The following ERCC5 variants were observed in gnomAD, a reference collection of about 807,000 sequenced individuals.
The protein encoded by ERCC5 is DNA excision repair protein ERCC-5.
In ERCC5, 68 loss-of-function variants were observed where a neutral mutation model predicts 105.6. The ratio of observed to expected loss-of-function variants is 0.64; its 90% CI spans 0.53 to 0.79. The LOEUF (loss-of-function observed/expected upper bound fraction) is 0.79, where lower values mean the gene tolerates loss of function less well. Among genes scored for constraint, ERCC5 ranks in the 30% least tolerant of loss-of-function variants. The probability of loss-of-function intolerance (pLI) is 0.00; values close to 1 mark genes in which losing one functional copy is unlikely to be tolerated. For missense variants in ERCC5, 1,373 were observed against 1,426.7 expected (o/e 0.96, Z 0.61); for synonymous variants, 546 against 526.2 (o/e 1.04, Z -0.51).
Position 102,875,593 on chromosome 13 carries a change from G to C in ERCC5, c.3251G>C (p.Cys1084Ser), listed in dbSNP as rs746017131. 1 of 1,613,634 alleles carries C rather than the reference G, an allele frequency of 6.2e-7. No homozygotes were observed. Among genetic ancestry groups the C allele is most frequent in the Admixed American group, 1.7e-5 (1 of 59,944 alleles). Residue 1084 changes from cysteine (C) to serine (S), a missense_variant, in exon 15 of 15, where the codon TGC (cysteine) becomes TCC (serine). Cys to Ser is a moderately radical substitution (Grantham distance 112). Coordinates refer to ENST00000652225, the MANE Select transcript of ERCC5 (RefSeq NM_000123.4). ...RLSDSKGKNT[C>S]GGFLGETCLS... ...TCAGATTCTAAAGGAAAGAATACAT[G>C]CGGTGGATTTTTGGGGGAGACCTGC...
chr13:102,872,536 C>A, intron 13 of ERCC5, 138 bp downstream of exon 13: 1 of 1,061,322 alleles, frequency 9.4e-7, no homozygotes, highest in Non-Finnish European at 1.4e-6. Context: ...CTCTCCTTTT[C>A]ACTCTTTCTT....
intron 3 of ERCC5, 30 bp downstream of exon 3, chr13:102,853,902 A>G (rs1882298758): frequency 6.2e-7 from 1 of 1,603,398 alleles, no homozygotes; most frequent in Non-Finnish European, 8.5e-7. Flanking sequence ...CGTGTTAGAG[A>G]TGAAGTTTTA....
rs761938044 is a variant in ERCC5 at position 102,862,165 on chromosome 13, C to A, written c.1016C>A (p.Pro339His). 6.2e-7 allele frequency: 1 copy of A among 1,614,210 alleles called. No homozygotes were observed. The highest frequency in any genetic ancestry group is 1.3e-5 in the African/African-American group (1 of 75,062). Residue 339 changes from proline (P) to histidine (H), a missense_variant, in exon 8 of 15, where the codon CCT becomes CAT. Transcript: ENST00000652225. ...ACAGAGAAAGAGCCTGATGCTACCC[C>A]TCCTTCTCCAAGAACTTTACTAGCT... The part of the protein sequence containing the change: ...LKTEKEPDAT[P>H]PSPRTLLAMQ...
At chr13:102,855,400 C>A (rs911950097) in intron 4 of ERCC5, among the ~76,000 whole-genome samples, 1 of 152,054 alleles carries the variant, frequency 6.6e-6, no homozygotes, top group African/African-American at 2.4e-5. Context: ...CAGGCACGTG[C>A]CACCACACCT....
Position 102,875,823 on chromosome 13 carries a change from GT to G in ERCC5, c.3482del (p.Val1161AlafsTer3). ...TGACGATGGAGGGAAAGAGAAGATG[GT>G]CCTCGTGACCGCCAGATCTGTGTTT... is the stretch of plus-strand genomic sequence containing the variant. Reference protein sequence around the residue: ...SDDDGGKEKMVLVTARSVFGK... With the variant: ...SDDDGGKEKMXLVTARSVFGK... On this transcript the variant is annotated frameshift_variant, in exon 15 of 15. Transcript: ENST00000652225. LOFTEE classifies it low-confidence loss of function (END_TRUNC). 6.2e-7 allele frequency: 1 copy of G among 1,613,588 alleles called. No homozygotes were observed. The highest frequency in any genetic ancestry group is 1.3e-5 in the African/African-American group (1 of 74,990).
intron 5 of ERCC5, among the ~76,000 whole-genome samples, chr13:102,857,489 C>T (rs1882468384): frequency 1.3e-5 from 2 of 152,066 alleles, no homozygotes; most frequent in East Asian, 1.9e-4. Flanking sequence ...CTGGTTGGTA[C>T]GTACACATGT....
In ERCC5 at chr13:102,866,311, T is replaced by G. The variant is rs1285102969; in HGVS notation, c.2249T>G (p.Leu750Arg). The change falls in exon 10 of 15, where the codon CTG becomes CGG. Residue 750 changes from leucine to arginine, a missense_variant. Leu to Arg is a moderately radical substitution (Grantham distance 102). Coordinates refer to ENST00000652225, the MANE Select transcript of ERCC5 (RefSeq NM_000123.4). Reference protein sequence around the residue: ...ESNLLAQQNSLKAQKQQQERI... With the variant: ...ESNLLAQQNSRKAQKQQQERI... ...AACCTCTTAGCACAGCAGAATTCACTGAAAGCTCAAAAACAGCAGCAAGAA... is the reference window on the plus strand; with the variant it reads ...AACCTCTTAGCACAGCAGAATTCACGGAAAGCTCAAAAACAGCAGCAAGAA... 6.2e-7 allele frequency: 1 copy of G among 1,614,214 alleles called. No individual in the cohort carries two copies. Among genetic ancestry groups the G allele is most frequent in the Non-Finnish European group, 8.5e-7 (1 of 1,180,028 alleles).
At chr13:102,853,340 C>G (rs1882276312) in intron 2 of ERCC5, among the ~76,000 whole-genome samples, 1 of 152,102 alleles carries the variant, frequency 6.6e-6, no homozygotes, top group South Asian at 2.1e-4. Flanking sequence ...GATATATAAT[C>G]TTGAATATTG....
At position 102,858,442 on chromosome 13, in the gene ERCC5, A is replaced by G. The variant is rs750319168; in HGVS notation, c.672+24A>G. 1.9e-6 allele frequency: 3 copies of G among 1,614,058 alleles called. No individual in the cohort carries two copies. The East Asian group carries it at 6.7e-5, about 36-fold the overall frequency. On this transcript the variant is annotated intron_variant, in intron 6 of 14. Transcript: ENST00000652225. ...AGGTGAAATATGCAACAGTACATTC[A>G]TGCTTAGAATTAAGAACTTCAGCAA... is the stretch of plus-strand genomic sequence containing the variant.
At chr13:102,875,206 G>A (rs1883170194) in intron 14 of ERCC5, 101 bp from the exon 15 acceptor site, 1 of 1,297,988 alleles carries the variant, frequency 7.7e-7, no homozygotes, top group African/African-American at 1.5e-5. Context: ...CTCTGACATA[G>A]TAATCCAATG....
rs2140539119 is a variant in ERCC5, at chr13:102,872,469, A to G, written c.2879+71A>G. ...GTGTTTGGTTTAAAACTTATGGAAG[A>G]GAAACTTGGATCATTTTTTTCTTAT... On this transcript the variant is annotated intron_variant, in intron 13 of 14. Transcript: ENST00000652225. 9.6e-6 allele frequency: 15 copies of G among 1,566,766 alleles called. No individual in the cohort carries two copies. The South Asian group carries it at 1.5e-4, about 16-fold the overall frequency.
Position 102,873,332 on chromosome 13 carries a change from G to T in ERCC5, c.2953G>T (p.Asp985Tyr), listed in dbSNP as rs748797643. ...TCTGTTTCCTGTATTAAAGCAACTC[G>T]ATGCCCAGCAGGTAATCATGGTGGA... is the stretch of plus-strand genomic sequence containing the variant. ...ESLFPVLKQL[D>Y]AQQTQLRIDS... The change falls in exon 14 of 15, where the codon GAT becomes TAT. Residue 985 changes from aspartate to tyrosine, a missense_variant. By Grantham distance (160) the Asp-to-Tyr change is radical. Transcript: ENST00000652225. 1.2e-6 allele frequency: 2 copies of T among 1,614,086 alleles called. No individual in the cohort carries two copies. The highest frequency in any genetic ancestry group is 2.2e-5 in the East Asian group (1 of 44,858).
Position 102,862,887 on chromosome 13 carries a change from C to G in ERCC5, c.1738C>G (p.Pro580Ala). Residue 580 changes from proline (P) to alanine (A), a missense_variant, in exon 8 of 15, where the codon CCT (proline) becomes GCT (alanine). By Grantham distance (27) the Pro-to-Ala change is conservative. Coordinates refer to ENST00000652225, the MANE Select transcript of ERCC5 (RefSeq NM_000123.4). ...GAATTCTGCTTCTGAAGTCATTGGC[C>G]CTGTCAGTTTGCAAGAAACAAGTAG... is the stretch of plus-strand genomic sequence containing the variant. ...KPNSASEVIG[P>A]VSLQETSSIV... is the part of the protein sequence containing the mutation. 6.2e-7 allele frequency: 1 copy of G among 1,614,134 alleles called. No homozygotes were observed. The highest frequency in any genetic ancestry group is 2.2e-5 in the East Asian group (1 of 44,884).
At chr13:102,872,435 G>T (rs767408506) in intron 13 of ERCC5, 37 bp downstream of exon 13, 15 of 1,608,334 alleles carry the variant, frequency 9.3e-6, no homozygotes, top group Non-Finnish European at 1.3e-5. Context: ...GAAACACCTT[G>T]TCAAATATGT....
chr13:102,850,084 C>G (rs1882147697), intron 1 of ERCC5, among the ~76,000 whole-genome samples: 1 of 151,964 alleles, frequency 6.6e-6, no homozygotes, highest in African/African-American at 2.4e-5. Context: ...CGCCACCATG[C>G]CTGGCTAATT....
chr13:102,874,484 A>G lies in ERCC5; in HGVS notation c.2965-823A>G, dbSNP rs184970253. 2.6e-5 allele frequency among the ~76,000 whole-genome samples: 4 copies of G among 152,338 alleles called. No individual in the cohort carries two copies. In the East Asian group the frequency reaches 7.7e-4, roughly 29 times the overall value. On this transcript the variant is annotated intron_variant, in intron 14 of 14. Coordinates refer to ENST00000652225, the MANE Select transcript of ERCC5 (RefSeq NM_000123.4). ...TAGACCTTTAATTTTCAAGTTTGTT[A>G]TAGTAATGCTGTGATGAACATTAGG...
In ERCC5 at chr13:102,846,329, G is replaced by A. The variant is rs200464030; in HGVS notation, c.63G>A (p.Ala21=). The A allele has an allele frequency of 1.9e-6, 3 of 1,614,090 alleles. No individual in the cohort carries two copies. Among genetic ancestry groups the A allele is most frequent in the African/African-American group, 1.3e-5 (1 of 75,038 alleles). The change falls in exon 1 of 15, where the codon GCG becomes GCA. Residue 21 remains alanine (A), a synonymous_variant. Transcript: ENST00000652225. ...ECSGRQVSPE[A]LEGKILAVDI... ...CCGGGCGGCAGGTCAGCCCCGAAGC[G>A]CTGGAAGGGAAGATCCTGGCTGTTG...
At chr13:102,853,922 T>C (rs1239167576) in intron 3 of ERCC5, 50 bp downstream of exon 3, 2 of 1,559,828 alleles carry the variant, frequency 1.3e-6, no homozygotes, top group East Asian at 4.5e-5. Context: ...AAAAAAGTGA[T>C]TTTTGTCTTG....
At chr13:102,849,766 A>G (rs951402409) in intron 1 of ERCC5, among the ~76,000 whole-genome samples, 2 of 152,204 alleles carry the variant, frequency 1.3e-5, no homozygotes, top group African/African-American at 4.8e-5. Flanking sequence ...TATAAACTCC[A>G]TAGGGCCAAT....
Sources: gnomAD v4.1 joint callset for allele counts (sites outside exome capture counted in the v4.1 genomes callset) on GRCh38, gnomAD v4.1.1 for gene constraint, MANE v1.5 for transcripts, NCBI Gene and HGNC (gene_info 2026-07-23, HGNC 2026-07-21) for gene names.